Variants in ST18 observed in about 807,000 individuals in gnomAD.
ST18 encodes ST18 C2H2C-type zinc finger transcription factor.
ST18 carries 50 observed loss-of-function variants against 110.0 expected under a neutral mutation model. The ratio of observed to expected loss-of-function variants is 0.45; its 90% confidence interval spans 0.36 to 0.58. The LOEUF is 0.58. Among genes scored for constraint, ST18 ranks in the 20% least tolerant of loss-of-function variants. ST18 has a pLI of 0.00. For missense variants in ST18, 1,306 were observed against 1,280.1 expected (o/e 1.02, Z -0.31); for synonymous variants, 461 against 452.4 (o/e 1.02, Z -0.24).
At chr8:52,338,765 G>A (rs1162887218) in intron 2 of ST18, among the ~76,000 whole-genome samples, 1 of 151,286 alleles carries the variant, frequency 6.6e-6, no homozygotes, top group Non-Finnish European at 1.5e-5. Context: ...TAAAGATAAT[G>A]TCTTGCTCTG....
chr8:52,214,385 G>A (rs145378519), intron 6 of ST18, 128 bp from the exon 7 acceptor site: 26 of 891,750 alleles, frequency 2.9e-5, no homozygotes, highest in Middle Eastern at 2.6e-4. Flanking sequence ...CTCACAGCCC[G>A]GCTCTATAGT....
At chr8:52,292,367 T>TG (rs1216172045) in intron 2 of ST18, among the ~76,000 whole-genome samples, 1 of 152,130 alleles carries the variant, frequency 6.6e-6, no homozygotes, top group Non-Finnish European at 1.5e-5. Context: ...TGGTTACATT[T>TG]TGTGCATGCA....
At chr8:52,253,695 C>A (rs1366928838) in intron 2 of ST18, among the ~76,000 whole-genome samples, 3 of 152,080 alleles carry the variant, frequency 2.0e-5, no homozygotes, top group Admixed American at 1.3e-4. Context: ...AAGATCTCCC[C>A]AATTCTAGAG....
At chr8:52,274,019 T>C (rs1487783751) in intron 2 of ST18, among the ~76,000 whole-genome samples, 1 of 152,220 alleles carries the variant, frequency 6.6e-6, no homozygotes, top group Non-Finnish European at 1.5e-5. Flanking sequence ...TTTTAAATCA[T>C]GACACATCTG....
intron 2 of ST18, among the ~76,000 whole-genome samples, chr8:52,285,118 A>G (rs529109234): frequency 6.6e-6 from 1 of 152,204 alleles, no homozygotes; most frequent in South Asian, 2.1e-4. Flanking sequence ...TTCCACAAGG[A>G]CTAAAGCTGG....
intron 8 of ST18, among the ~76,000 whole-genome samples, chr8:52,197,929 C>T (rs1346867573): frequency 4.0e-5 from 6 of 151,504 alleles, no homozygotes; most frequent in Non-Finnish European, 8.8e-5. Flanking sequence ...AGAACTTCTT[C>T]AGTAATATGA....
chr8:52,142,916 T>C lies in ST18; in HGVS notation c.2168+14A>G, dbSNP rs542158450. On this transcript the variant is annotated intron_variant, in intron 17 of 25. Coordinates refer to ENST00000689386, the MANE Select transcript of ST18 (RefSeq NM_001352837.2). The stretch of plus-strand genomic sequence containing the variant: ...TCCAGAATCTTAGAGGGCATGGCAT[T>C]GGGCACCACTTACGTGATTAGTTCC... The C allele has an allele frequency of 1.6e-5, 25 of 1,568,588 alleles. 1 individual carries two copies. The South Asian group carries it at 2.7e-4, about 17-fold the overall frequency.
At chr8:52,409,788 T>G (rs1272798943), upstream of ST18, 1 of 152,292 alleles carries the variant, frequency 6.6e-6, no homozygotes, top group Non-Finnish European at 1.5e-5. Context: ...TTGCTAACTT[T>G]GCTCTGTGTT....
At chr8:52,195,753 TG>T (rs149921145) in intron 8 of ST18, among the ~76,000 whole-genome samples, 2,056 of 152,268 alleles carry the variant, frequency 0.014, 50 homozygotes, top group African/African-American at 0.046. Context: ...TGTATAGAAT[TG>T]AGTTTAAAGT....
chr8:52,309,190 A>G (rs551145270), intron 2 of ST18, among the ~76,000 whole-genome samples: 2 of 152,130 alleles, frequency 1.3e-5, no homozygotes, highest in Non-Finnish European at 2.9e-5. Flanking sequence ...CCAAGGTGCA[A>G]TGGTCAATTA....
rs542833872 is a variant in ST18, at chr8:52,389,130, T to C, written c.-465+20198A>G. Among the ~76,000 whole-genome samples the C allele has an allele frequency of 1.5e-3, 225 of 152,210 alleles. 2 individuals are homozygous for C. Among genetic ancestry groups the C allele is most frequent in the African/African-American group, 5.2e-3 (214 of 41,542 alleles). On this transcript the variant is annotated intron_variant, in intron 2 of 25. Transcript: ENST00000689386. ...GAGGCGAGCCTGGCGCTTCAGGCGC[T>C]GCCCGGGGCTTGGCTGTGGGGCTCC...
chr8:52,223,379 C>T (rs975514604), intron 3 of ST18, among the ~76,000 whole-genome samples: 7 of 152,198 alleles, frequency 4.6e-5, no homozygotes, highest in African/African-American at 1.2e-4. Context: ...TGTGGTGGCT[C>T]ACGCCTGTAA....
intron 2 of ST18, among the ~76,000 whole-genome samples, chr8:52,348,668 C>T (rs1207030636): frequency 5.3e-5 from 8 of 152,026 alleles, no homozygotes; most frequent in Non-Finnish European, 7.4e-5. Context: ...TGCTTGAACC[C>T]GGGAGGCAGA....
intron 2 of ST18, among the ~76,000 whole-genome samples, chr8:52,307,704 A>T (rs2095837881): frequency 6.6e-6 from 1 of 152,210 alleles, no homozygotes; most frequent in South Asian, 2.1e-4. Context: ...GTACATGAGG[A>T]TGTAATACCC....
rs908345248 is a variant in ST18 at position 52,228,802 on chromosome 8, T to C, written c.-419+1230A>G. Among the ~76,000 whole-genome samples the C allele has an allele frequency of 2.3e-4, 35 of 152,082 alleles. 1 individual carries two copies. Among genetic ancestry groups the C allele is most frequent in the Non-Finnish European group, 2.6e-4 (18 of 68,012 alleles). ...ATGGCCACCATCTGCTTTCAAACAC[T>C]AGACTCGGCATTCTTTGACTGTCAG... is the stretch of plus-strand genomic sequence containing the variant. On this transcript the variant is annotated intron_variant, in intron 3 of 25. Coordinates refer to ENST00000689386, the MANE Select transcript of ST18 (RefSeq NM_001352837.2).
At chr8:52,232,117 G>A (rs1040973526) in intron 2 of ST18, among the ~76,000 whole-genome samples, 2 of 152,220 alleles carry the variant, frequency 1.3e-5, no homozygotes, top group African/African-American at 4.8e-5. Context: ...ACATAGAGCA[G>A]AAGCACTTCC....
intron 2 of ST18, among the ~76,000 whole-genome samples, chr8:52,371,728 G>A (rs1830330684): frequency 6.6e-6 from 1 of 152,136 alleles, no homozygotes. Flanking sequence ...TACACACGGT[G>A]ATCCCATAAG....
intron 2 of ST18, among the ~76,000 whole-genome samples, chr8:52,237,859 A>G: frequency 6.6e-6 from 1 of 152,248 alleles, no homozygotes; most frequent in East Asian, 1.9e-4. Context: ...AAACACAATT[A>G]CAGCTCAATA....
In ST18 at chr8:52,312,590, T is replaced by G. The variant is rs190149559; in HGVS notation, c.-464-82513A>C. Reference sequence around the variant, plus strand: ...AGAAGAATGGTCAGATATAGTATCTTTGCTAGAGCAGATCAATATAGCATA... The same window carrying G: ...AGAAGAATGGTCAGATATAGTATCTGTGCTAGAGCAGATCAATATAGCATA... On this transcript the variant is annotated intron_variant, in intron 2 of 25. Coordinates refer to ENST00000689386, the MANE Select transcript of ST18 (RefSeq NM_001352837.2). Among the ~76,000 whole-genome samples, 472 of 152,314 alleles carry G rather than the reference T, an allele frequency of 3.1e-3. 1 individual carries two copies. Among genetic ancestry groups the G allele is most frequent in the African/African-American group, 0.011 (446 of 41,576 alleles).
Sources: allele counts gnomAD v4.1 joint callset (sites outside exome capture counted in the v4.1 genomes callset), GRCh38; gene constraint gnomAD v4.1.1; transcripts MANE v1.5; gene names NCBI Gene and HGNC (gene_info 2026-07-23, HGNC 2026-07-21).